Variants in WWOX observed in about 807,000 individuals in gnomAD.
WWOX encodes the protein WW domain-containing oxidoreductase.
In WWOX, 69 loss-of-function variants were observed where a neutral mutation model predicts 46.2. That is an observed-to-expected ratio of 1.49 (90% CI 1.23 to 1.82). WWOX has a LOEUF of 1.82. Ranked by LOEUF, WWOX falls within the 40% of genes most tolerant of loss-of-function variation. The probability of loss-of-function intolerance (pLI) is 0.00; values close to 1 mark genes in which losing one functional copy is unlikely to be tolerated. For missense variants in WWOX, 919 were observed against 542.6 expected (o/e 1.69, Z -6.89); for synonymous variants, 359 against 202.6 (o/e 1.77, Z -6.56).
At chr16:78,715,668 G>T (rs1261988505) in intron 8 of WWOX, among the ~76,000 whole-genome samples, 1 of 152,096 alleles carries the variant, frequency 6.6e-6, no homozygotes, top group South Asian at 2.1e-4. Context: ...ATAGAGACAG[G>T]ATTTCACTAT....
At chr16:78,152,268 G>T (rs777601378) in intron 4 of WWOX, among the ~76,000 whole-genome samples, 2 of 151,888 alleles carry the variant, frequency 1.3e-5, no homozygotes, top group Non-Finnish European at 2.9e-5. Flanking sequence ...CTTTTTAGGT[G>T]TAACACAGTA....
chr16:78,912,543 C>T (rs1000853124), intron 8 of WWOX, among the ~76,000 whole-genome samples: 3 of 152,000 alleles, frequency 2.0e-5, no homozygotes, highest in African/African-American at 7.2e-5. Context: ...CCCTGAGTGC[C>T]TTGTTGGAGA....
At chr16:78,970,747 C>T (rs1017194227) in intron 8 of WWOX, among the ~76,000 whole-genome samples, 4 of 152,202 alleles carry the variant, frequency 2.6e-5, no homozygotes, top group Admixed American at 1.3e-4. Context: ...TACCTCCCCT[C>T]CTTCTTCCTT....
intron 5 of WWOX, among the ~76,000 whole-genome samples, chr16:78,176,653 C>G (rs960262506): frequency 1.3e-5 from 2 of 152,018 alleles, no homozygotes; most frequent in African/African-American, 2.4e-5. Context: ...AGATTTATGA[C>G]TCTGGGAAAA....
chr16:78,803,007 G>A (rs1005133169), intron 8 of WWOX, among the ~76,000 whole-genome samples: 1 of 147,954 alleles, frequency 6.8e-6, no homozygotes, highest in Non-Finnish European at 1.5e-5. Context: ...CACCAGGCCT[G>A]CCATGGAATT....
At position 78,918,279 on chromosome 16, in the gene WWOX, TG is replaced by T. The variant is rs372545192; in HGVS notation, c.1057-293327del. Reference sequence around the variant, plus strand: ...AAATAAAACATAAGAAAAAAATAAATGGATACATGATATTTGTACTTCTAAG... The same window carrying T: ...AAATAAAACATAAGAAAAAAATAAATGATACATGATATTTGTACTTCTAAG... On this transcript the variant is annotated intron_variant, in intron 8 of 8. Coordinates refer to ENST00000566780, the MANE Select transcript of WWOX (RefSeq NM_016373.4). Among the ~76,000 whole-genome samples, 40 of 152,210 alleles carry T rather than the reference TG, an allele frequency of 2.6e-4. 2 individuals are homozygous for T. In the South Asian group the frequency reaches 8.1e-3, roughly 31 times the overall value.
chr16:78,411,911 T>G (rs1032968907), intron 6 of WWOX, among the ~76,000 whole-genome samples: 1 of 152,178 alleles, frequency 6.6e-6, no homozygotes, highest in African/African-American at 2.4e-5. Flanking sequence ...GAAGCAGGCT[T>G]TGGTTTCTAC....
At chr16:78,427,236 A>T (rs372758996) in intron 7 of WWOX, among the ~76,000 whole-genome samples, 30 of 152,288 alleles carry the variant, frequency 2.0e-4, no homozygotes, top group African/African-American at 7.0e-4. Context: ...AGAAAGTCCT[A>T]TGTTTGCAGA....
chr16:78,756,225 C>G (rs932384175), intron 8 of WWOX, among the ~76,000 whole-genome samples: 8 of 152,150 alleles, frequency 5.3e-5, no homozygotes, highest in African/African-American at 1.7e-4. Flanking sequence ...CCCTTTCCAG[C>G]TGGCCCTGTT....
chr16:78,575,075 A>T (rs1401168426), intron 8 of WWOX, among the ~76,000 whole-genome samples: 2 of 35,484 alleles, frequency 5.6e-5, no homozygotes, highest in Admixed American at 5.0e-4. Flanking sequence ...ATATATATAT[A>T]TATATATATA....
At chr16:78,939,027 A>G (rs1416915731) in intron 8 of WWOX, among the ~76,000 whole-genome samples, 2 of 152,246 alleles carry the variant, frequency 1.3e-5, no homozygotes, top group Non-Finnish European at 2.9e-5. Flanking sequence ...GTGGCCTTTC[A>G]GCCCAAGGTT....
intron 8 of WWOX, among the ~76,000 whole-genome samples, chr16:78,976,072 G>T (rs62036031): frequency 2.0e-5 from 3 of 152,174 alleles, no homozygotes; most frequent in African/African-American, 4.8e-5. Flanking sequence ...CAACATTAGG[G>T]CATTGTTATT....
Position 79,191,514 on chromosome 16 carries a change from C to A in WWOX, c.1057-20094C>A, listed in dbSNP as rs114269945. 9.7e-3 allele frequency among the ~76,000 whole-genome samples: 1,479 copies of A among 152,318 alleles called. 27 individuals carry two copies. The highest frequency in any genetic ancestry group is 0.034 in the African/African-American group (1,415 of 41,570). On this transcript the variant is annotated intron_variant, in intron 8 of 8. Coordinates refer to ENST00000566780, the MANE Select transcript of WWOX (RefSeq NM_016373.4). ...ACAAAGAATGGGCTGTCCTCTCCTG[C>A]TACTTTATAAAAGCCAAGTTTTTGC... is the stretch of plus-strand genomic sequence containing the variant.
rs556889553 is a variant in WWOX at position 78,504,298 on chromosome 16, A to T, written c.1056+71546A>T. On this transcript the variant is annotated intron_variant, in intron 8 of 8. Transcript: ENST00000566780. ...TCCCTGAAGGGGGAAAAGGTTTAAA[A>T]ACAGTAAACTAAAGAAGATTGTTTT... is the stretch of plus-strand genomic sequence containing the variant. Among the ~76,000 whole-genome samples, 5 of 152,354 alleles carry T rather than the reference A, an allele frequency of 3.3e-5. No individual in the cohort carries two copies. In the East Asian group the frequency reaches 9.6e-4, roughly 29 times the overall value.
intron 8 of WWOX, among the ~76,000 whole-genome samples, chr16:79,136,963 T>C (rs951812089): frequency 2.0e-5 from 3 of 152,206 alleles, no homozygotes; most frequent in Non-Finnish European, 4.4e-5. Context: ...TTACAGAGAA[T>C]AGGAGAGAAA....
At chr16:78,266,401 G>C (rs1263703035) in intron 5 of WWOX, among the ~76,000 whole-genome samples, 3 of 152,150 alleles carry the variant, frequency 2.0e-5, no homozygotes, top group African/African-American at 7.2e-5. Flanking sequence ...TGAGTAGTTG[G>C]GATGGAGACT....
intron 8 of WWOX, among the ~76,000 whole-genome samples, chr16:78,741,767 A>T (rs561027296): frequency 1.2e-4 from 18 of 152,050 alleles, no homozygotes; most frequent in African/African-American, 4.1e-4. Flanking sequence ...AGGCAGGAGA[A>T]TTGCTTGAAT....
At chr16:78,920,855 C>T (rs73583220) in intron 8 of WWOX, among the ~76,000 whole-genome samples, 4,095 of 152,270 alleles carry the variant, frequency 0.027, 181 homozygotes, top group African/African-American at 0.093. Context: ...GGGACTTGTT[C>T]AAAACTCTGA....
At chr16:78,336,222 C>T (rs1176005386) in intron 5 of WWOX, among the ~76,000 whole-genome samples, 3 of 151,624 alleles carry the variant, frequency 2.0e-5, no homozygotes, top group East Asian at 3.9e-4. Context: ...GCCTGTGATC[C>T]ACAACTTTGG....
Sources: gnomAD v4.1 joint callset for allele counts (sites outside exome capture counted in the v4.1 genomes callset) on GRCh38, gnomAD v4.1.1 for gene constraint, MANE v1.5 for transcripts, NCBI Gene and HGNC (gene_info 2026-07-23, HGNC 2026-07-21) for gene names.